DLGAP1: variants seen among roughly 807,000 people sequenced by gnomAD.
DLGAP1 encodes disks large-associated protein 1.
DLGAP1 carries 11 observed loss-of-function variants against 90.8 expected under a neutral mutation model. The ratio of observed to expected loss-of-function variants is 0.12; its 90% CI spans 0.08 to 0.20. The LOEUF (loss-of-function observed/expected upper bound fraction) is 0.20, where lower values mean the gene tolerates loss of function less well. Among genes scored for constraint, DLGAP1 ranks in the 10% least tolerant of loss-of-function variants. The pLI is 1.00. For missense variants in DLGAP1, 1,050 were observed against 1,333.8 expected (o/e 0.79, Z 3.31); for synonymous variants, 558 against 540.7 (o/e 1.03, Z -0.44).
chr18:4,405,700 C>A (rs564223742), intron 1 of DLGAP1, among the ~76,000 whole-genome samples: 36 of 152,244 alleles, frequency 2.4e-4, no homozygotes, highest in Middle Eastern at 6.8e-3. Context: ...ACTGACTTAT[C>A]TTGTGCGCTT....
At chr18:3,611,606 C>T (rs555278811) in intron 7 of DLGAP1, among the ~76,000 whole-genome samples, 15 of 152,284 alleles carry the variant, frequency 9.9e-5, no homozygotes, top group Admixed American at 2.0e-4. Flanking sequence ...TAGCAGGACC[C>T]GCTGCAGCCC....
At chr18:3,597,184 C>T (rs1212931825) in intron 7 of DLGAP1, 1 of 519,266 alleles carries the variant, frequency 1.9e-6, no homozygotes, top group East Asian at 5.4e-5. Context: ...AGATGGATAT[C>T]TGAGAGCCAG....
chr18:4,045,093 T>C (rs1213885828), intron 2 of DLGAP1, among the ~76,000 whole-genome samples: 1 of 151,956 alleles, frequency 6.6e-6, no homozygotes, highest in Admixed American at 6.6e-5. Flanking sequence ...ACATAATATT[T>C]TTATCCCTTC....
chr18:3,565,842 C>CA lies in DLGAP1; in HGVS notation c.2057+1647_2057+1648insT, dbSNP rs1424035036. Among the ~76,000 whole-genome samples, 1 of 151,602 alleles carries CA rather than the reference C, an allele frequency of 6.6e-6. No homozygotes were observed. Among genetic ancestry groups the CA allele is most frequent in the Non-Finnish European group, 1.5e-5 (1 of 67,902 alleles). ...AGAGTGAGACTCTGTCTCAAAAAAA[C>CA]CACACACAAAAAACAAACAAACAAA... On this transcript the variant is annotated intron_variant, in intron 9 of 12. Coordinates refer to ENST00000315677, the MANE Select transcript of DLGAP1 (RefSeq NM_004746.4). This position sits in a 1 kb window ranked among gnomAD's most constrained non-coding sequence, Gnocchi z 4.0.
chr18:3,897,819 G>A (rs908631337), intron 3 of DLGAP1, among the ~76,000 whole-genome samples: 4 of 119,328 alleles, frequency 3.4e-5, no homozygotes, highest in South Asian at 2.6e-4. Flanking sequence ...ACGGAGTCTC[G>A]CTCTGTCGCC....
chr18:4,312,716 ACC>A (rs1301756224), intron 1 of DLGAP1, among the ~76,000 whole-genome samples: 15 of 152,178 alleles, frequency 9.9e-5, no homozygotes, highest in African/African-American at 3.4e-4. Flanking sequence ...GTTTTATTTT[ACC>A]ATATTTTATT....
chr18:4,404,891 C>T lies in DLGAP1; in HGVS notation c.-267+50115G>A, dbSNP rs560958752. Among the ~76,000 whole-genome samples the T allele has an allele frequency of 1.1e-4, 17 of 152,236 alleles. No individual in the cohort carries two copies. In the South Asian group the frequency reaches 3.5e-3, roughly 32 times the overall value. ...ACAAAAATAATAACAACAAAAAAGG[C>T]TTCTCCCCATGCCCTCCTATGATCT... On this transcript the variant is annotated intron_variant, in intron 1 of 12. Transcript: ENST00000315677.
chr18:4,226,592 C>T (rs559939935), intron 1 of DLGAP1, among the ~76,000 whole-genome samples: 1 of 149,250 alleles, frequency 6.7e-6, no homozygotes, highest in African/African-American at 2.5e-5. Context: ...TTTCTCTTTG[C>T]TTGTTAATTT....
chr18:4,410,895 C>T (rs2082763340), intron 1 of DLGAP1, among the ~76,000 whole-genome samples: 2 of 152,156 alleles, frequency 1.3e-5, no homozygotes, highest in East Asian at 1.9e-4. Flanking sequence ...CTGAGGTAAT[C>T]GTTTTCCCAG....
Position 3,879,319 on chromosome 18 carries a change from G to A in DLGAP1, c.750C>T (p.Ala250=), listed in dbSNP as rs769500618. The part of the protein sequence containing the change: ...YNTISEQAVK[A]SRSNNDVKCS... Reference sequence around the variant, plus strand: ...ACTTGACGTCGTTGTTGCTCCGGGAGGCCTTCACCGCCTGCTCGCTGATGG... The same window carrying A: ...ACTTGACGTCGTTGTTGCTCCGGGAAGCCTTCACCGCCTGCTCGCTGATGG... The change falls in exon 4 of 13, where the codon GCC becomes GCT. Residue 250 remains alanine, a synonymous_variant. Transcript: ENST00000315677. The surrounding 1 kb of genome is among the most constrained non-coding windows in gnomAD (Gnocchi z 6.6). 1.1e-5 allele frequency: 17 copies of A among 1,601,996 alleles called. No homozygotes were observed. In the Admixed American group the frequency reaches 2.2e-4, roughly 21 times the overall value.
chr18:4,401,198 C>T (rs547687002), intron 1 of DLGAP1, among the ~76,000 whole-genome samples: 4 of 152,246 alleles, frequency 2.6e-5, no homozygotes, highest in African/African-American at 9.6e-5. Flanking sequence ...AAACCAATTC[C>T]TATTATAGCT....
intron 7 of DLGAP1, among the ~76,000 whole-genome samples, chr18:3,667,440 G>A (rs1370940650): frequency 1.3e-5 from 2 of 152,062 alleles, no homozygotes; most frequent in Non-Finnish European, 2.9e-5. Flanking sequence ...GCTGATAATA[G>A]TAGCATATAC....
intron 2 of DLGAP1, among the ~76,000 whole-genome samples, chr18:4,031,515 T>A (rs1015095519): frequency 6.6e-6 from 1 of 152,182 alleles, no homozygotes; most frequent in African/African-American, 2.4e-5. Context: ...ACTGGTTCAA[T>A]AGGGAGCTGT....
chr18:3,813,955 T>C, intron 5 of DLGAP1, 104 bp downstream of exon 5: 1 of 1,111,020 alleles, frequency 9.0e-7, no homozygotes. Context: ...CTGCTCCACC[T>C]GTAGGATGTT....
intron 1 of DLGAP1, among the ~76,000 whole-genome samples, chr18:4,305,061 GGA>G (rs2080216086): frequency 6.6e-6 from 1 of 152,074 alleles, no homozygotes; most frequent in African/African-American, 2.4e-5. Context: ...ATTCATTCAT[GGA>G]ATAAATTAAA....
At chr18:3,817,840 A>G (rs1224909006) in intron 4 of DLGAP1, among the ~76,000 whole-genome samples, 1 of 152,182 alleles carries the variant, frequency 6.6e-6, no homozygotes, top group Non-Finnish European at 1.5e-5. Flanking sequence ...CAGAGAGAAA[A>G]GATTTAGGAA....
intron 1 of DLGAP1, among the ~76,000 whole-genome samples, chr18:4,390,875 C>CA (rs1410871349): frequency 6.6e-6 from 1 of 152,186 alleles, no homozygotes; most frequent in Non-Finnish European, 1.5e-5. Flanking sequence ...ACGGTTCCTC[C>CA]ATGTTCTCTT....
At chr18:3,766,560 G>C (rs1314645370) in intron 5 of DLGAP1, among the ~76,000 whole-genome samples, 1 of 151,846 alleles carries the variant, frequency 6.6e-6, no homozygotes, top group Admixed American at 6.6e-5. Context: ...TACCAAAATA[G>C]TCCATATTTG....
At chr18:3,745,905 T>C (rs2063250578) in intron 5 of DLGAP1, among the ~76,000 whole-genome samples, 1 of 152,116 alleles carries the variant, frequency 6.6e-6, no homozygotes, top group Non-Finnish European at 1.5e-5. Flanking sequence ...GCCAGGCTGG[T>C]CTTGAACTCC....
Sources: gnomAD v4.1 joint callset for allele counts (sites outside exome capture counted in the v4.1 genomes callset) on GRCh38, gnomAD v4.1.1 for gene constraint, Gnocchi (gnomAD v3.1) non-coding constraint, MANE v1.5 for transcripts, NCBI Gene and HGNC (gene_info 2026-07-23, HGNC 2026-07-21) for gene names.